FREM1: variants seen among roughly 807,000 people sequenced by gnomAD.
The protein encoded by FREM1 is FRAS1 related extracellular matrix 1.
FREM1 carries 220 observed loss-of-function variants against 210.1 expected under a neutral mutation model. The ratio of observed to expected loss-of-function variants is 1.05; its 90% confidence interval spans 0.94 to 1.17. FREM1 has a LOEUF of 1.17. Among genes scored for constraint, FREM1 ranks in the 50% most tolerant of loss-of-function variants. FREM1 has a pLI of 0.00. For missense variants in FREM1, 3,454 were observed against 2,675.5 expected, an observed-to-expected ratio of 1.29 and a Z score of -6.42; for synonymous variants, 1,189 against 980.2, an observed-to-expected ratio of 1.21 and a Z score of -3.98.
chr9:14,761,159 G>A (rs994383516), intron 27 of FREM1, among the ~76,000 whole-genome samples: 2 of 152,028 alleles, frequency 1.3e-5, no homozygotes, highest in East Asian at 3.9e-4. Flanking sequence ...GCTTTCCTGG[G>A]GCCATTCATA....
At chr9:14,758,348 C>T (rs1207159121) in intron 28 of FREM1, among the ~76,000 whole-genome samples, 4 of 152,176 alleles carry the variant, frequency 2.6e-5, no homozygotes, top group Admixed American at 6.5e-5. Flanking sequence ...TGGCCCAAAA[C>T]TCCAGCCTAG....
intron 20 of FREM1, among the ~76,000 whole-genome samples, chr9:14,801,427 T>C (rs968803139): frequency 1.3e-5 from 2 of 152,234 alleles, no homozygotes; most frequent in Non-Finnish European, 2.9e-5. Context: ...TTGTTAACTA[T>C]GGTAATTATG....
At chr9:14,862,535 C>G (rs1403772956) in intron 3 of FREM1, among the ~76,000 whole-genome samples, 3 of 152,200 alleles carry the variant, frequency 2.0e-5, no homozygotes, top group Admixed American at 1.3e-4. Flanking sequence ...CAAAGTTCAT[C>G]TTTTAAAAAT....
Position 14,823,235 on chromosome 9 carries a change from A to G in FREM1, c.2262T>C (p.Ser754=). ...CATGCAAAGTACCGCCATGTTGGTT[A>G]CTGACAGAAAATGTGAACTGGACAT... ...CRDVQFTFSV[S]NQHGGTLHGI... Residue 754 remains serine (S), a synonymous_variant, in exon 13 of 37, where the codon AGT becomes AGC. Coordinates refer to ENST00000380880, the MANE Select transcript of FREM1 (RefSeq NM_001379081.2). 4.3e-6 allele frequency: 7 copies of G among 1,613,936 alleles called. No homozygotes were observed. The highest frequency in any genetic ancestry group is 5.9e-6 in the Non-Finnish European group (7 of 1,179,826).
At chr9:14,779,356 G>C in intron 24 of FREM1, 1 of 308,058 alleles carries the variant, frequency 3.2e-6, no homozygotes, top group Non-Finnish European at 4.7e-6. Flanking sequence ...TAATTGTAGA[G>C]CTATAGACAT....
chr9:14,784,126 A>G (rs1850040805), intron 24 of FREM1: 1 of 377,930 alleles, frequency 2.6e-6, no homozygotes, highest in Non-Finnish European at 4.7e-6. Context: ...TTCACCTTAC[A>G]TACAACAAGA....
intron 15 of FREM1, among the ~76,000 whole-genome samples, chr9:14,815,130 T>G (rs1820072105): frequency 1.3e-5 from 2 of 152,108 alleles, no homozygotes; most frequent in Admixed American, 6.6e-5. Context: ...GTTCCTGGCA[T>G]AGAGAGGTGC....
At chr9:14,810,122 G>A (rs184358813) in intron 16 of FREM1, among the ~76,000 whole-genome samples, 98 of 152,154 alleles carry the variant, frequency 6.4e-4, no homozygotes, top group African/African-American at 2.1e-3. Context: ...GAGCATTAAA[G>A]GATGAGTAAG....
At chr9:14,865,886 A>G (rs1831429684) in intron 2 of FREM1, among the ~76,000 whole-genome samples, 1 of 152,190 alleles carries the variant, frequency 6.6e-6, no homozygotes, top group African/African-American at 2.4e-5. Context: ...TTGAGAAACA[A>G]AGTTCTCCCA....
intron 4 of FREM1, 75 bp from the exon 5 acceptor site, chr9:14,857,824 C>G (rs1829073196): frequency 2.0e-6 from 2 of 1,011,154 alleles, no homozygotes; most frequent in Admixed American, 2.6e-5. Context: ...AGTACTCCGT[C>G]CCATGAATAC....
chr9:14,851,249 C>A, intron 6 of FREM1, 35 bp downstream of exon 6: 2 of 1,499,148 alleles, frequency 1.3e-6, no homozygotes, highest in Admixed American at 2.1e-5. Context: ...CCTGTGACTT[C>A]TAACTAGGCT....
intron 27 of FREM1, among the ~76,000 whole-genome samples, chr9:14,765,091 C>T (rs764676918): frequency 6.6e-6 from 1 of 152,114 alleles, no homozygotes; most frequent in Non-Finnish European, 1.5e-5. Flanking sequence ...AATTACTATC[C>T]TTATAACTAT....
chr9:14,824,243 C>G, intron 11 of FREM1, 128 bp from the exon 12 acceptor site: 1 of 608,832 alleles, frequency 1.6e-6, no homozygotes, highest in East Asian at 2.8e-5. Context: ...TTTATATTCT[C>G]TCTTTATGTT....
chr9:14,764,656 T>G (rs1846069351), intron 27 of FREM1, among the ~76,000 whole-genome samples: 1 of 152,166 alleles, frequency 6.6e-6, no homozygotes, highest in South Asian at 2.1e-4. Flanking sequence ...GAGAGAGGCC[T>G]GGGGTGCTGC....
At chr9:14,850,536 G>A (rs1382580715) in intron 6 of FREM1, 2 of 152,104 alleles carry the variant, frequency 1.3e-5, no homozygotes, top group African/African-American at 4.8e-5. Context: ...CCATATTTTG[G>A]GTGAACAACA....
chr9:14,741,127 T>TA (rs1310622013), intron 35 of FREM1, among the ~76,000 whole-genome samples: 1 of 152,098 alleles, frequency 6.6e-6, no homozygotes, highest in East Asian at 1.9e-4. Context: ...TTTAAACACT[T>TA]AAAAAATCAA....
At position 14,756,364 on chromosome 9, in the gene FREM1, C is replaced by A; in HGVS notation, c.5407+10G>T. On this transcript the variant is annotated intron_variant, in intron 29 of 36. Coordinates refer to ENST00000380880, the MANE Select transcript of FREM1 (RefSeq NM_001379081.2). Reference sequence around the variant, plus strand: ...AAACACATAAAACAAACTGCAGACACAAAATGTACCTGGGTCAAACTGAAT... The same window carrying A: ...AAACACATAAAACAAACTGCAGACAAAAAATGTACCTGGGTCAAACTGAAT... 6.4e-7 allele frequency: 1 copy of A among 1,571,548 alleles called. No individual in the cohort carries two copies. Among genetic ancestry groups the A allele is most frequent in the Non-Finnish European group, 8.6e-7 (1 of 1,158,086 alleles).
intron 24 of FREM1, among the ~76,000 whole-genome samples, chr9:14,777,376 A>T (rs1587901177): frequency 6.7e-6 from 1 of 148,828 alleles, no homozygotes; most frequent in African/African-American, 2.4e-5. Context: ...CAATATTAAA[A>T]CTCCAAAAAG....
chr9:14,847,444 G>A (rs1382307627), intron 7 of FREM1, among the ~76,000 whole-genome samples: 1 of 138,640 alleles, frequency 7.2e-6, no homozygotes, highest in Non-Finnish European at 1.6e-5. Flanking sequence ...GAGGGAGGGA[G>A]GGAGGGAGGG....
Sources: allele counts gnomAD v4.1 joint callset (sites outside exome capture counted in the v4.1 genomes callset), GRCh38; gene constraint gnomAD v4.1.1; transcripts MANE v1.5; gene names NCBI Gene and HGNC (gene_info 2026-07-23, HGNC 2026-07-21).